PFKP: variants seen among roughly 807,000 people sequenced by gnomAD.
PFKP encodes the protein phosphofructokinase, platelet.
In PFKP, 101 loss-of-function variants were observed where a neutral mutation model predicts 94.3. The ratio of observed to expected loss-of-function variants is 1.07; its 90% confidence interval spans 0.91 to 1.26. The LOEUF (loss-of-function observed/expected upper bound fraction) is 1.26. Ranked by LOEUF, PFKP falls within the 50% of genes most tolerant of loss-of-function variation. The pLI is 0.00. For synonymous variants in PFKP, 573 were observed against 432.6 expected, an observed-to-expected ratio of 1.32 and a Z score of -4.03; for missense variants, 1,145 against 1,103.3, an observed-to-expected ratio of 1.04 and a Z score of -0.53.
At chr10:3,103,386 C>G (rs1295253790) in intron 4 of PFKP, among the ~76,000 whole-genome samples, 2 of 152,156 alleles carry the variant, frequency 1.3e-5, no homozygotes, top group Non-Finnish European at 2.9e-5. Context: ...GTGGCTCACA[C>G]CTATAATCCC....
rs539165416 is a variant in PFKP at position 3,078,528 on chromosome 10, G to T, written c.113-3860G>T. 1.2e-4 allele frequency among the ~76,000 whole-genome samples: 19 copies of T among 152,332 alleles called. No homozygotes were observed. The South Asian group carries it at 3.7e-3, about 30-fold the overall frequency. ...TCCCAGGCAATTAAATGAGCATCTG[G>T]CCTCAGCAGGTATTATTTTCCTTCA... On this transcript the variant is annotated intron_variant, in intron 1 of 21. Coordinates refer to ENST00000381125, the MANE Select transcript of PFKP (RefSeq NM_002627.5).
intron 2 of PFKP, among the ~76,000 whole-genome samples, chr10:3,096,554 C>T (rs935624187): frequency 2.0e-5 from 3 of 152,018 alleles, no homozygotes; most frequent in African/African-American, 7.2e-5. Flanking sequence ...CATCTTTTCT[C>T]TCCTCCTGAG....
intron 16 of PFKP, among the ~76,000 whole-genome samples, chr10:3,122,664 G>A (rs1262764421): frequency 2.0e-5 from 3 of 152,232 alleles, no homozygotes; most frequent in African/African-American, 7.2e-5. Context: ...TCTCTTCCCT[G>A]TCCGGCCACA....
chr10:3,107,522 G>A (rs1835754366), intron 8 of PFKP, among the ~76,000 whole-genome samples: 1 of 152,254 alleles, frequency 6.6e-6, no homozygotes, highest in Admixed American at 6.5e-5. Flanking sequence ...CTCTTGCCGA[G>A]CCCGTAGAGG....
At chr10:3,105,192 T>G in intron 6 of PFKP, 33 bp downstream of exon 6, 1 of 1,598,406 alleles carries the variant, frequency 6.3e-7, no homozygotes, top group East Asian at 2.2e-5. Context: ...GTGGACGCGG[T>G]TCAGGTGGGG....
At chr10:3,132,257 C>G (rs1838677366) in intron 17 of PFKP, 123 bp from the exon 18 acceptor site, 7 of 690,760 alleles carry the variant, frequency 1.0e-5, no homozygotes, top group Admixed American at 4.0e-5. Flanking sequence ...GCCGCGAGAG[C>G]TGCAGCCTCC....
intron 2 of PFKP, among the ~76,000 whole-genome samples, chr10:3,097,695 T>C (rs1365736337): frequency 6.6e-6 from 1 of 152,138 alleles, no homozygotes; most frequent in African/African-American, 2.4e-5. Flanking sequence ...TTATTACATG[T>C]ATGACACTAA....
At chr10:3,134,368 C>G (rs1838958407) in intron 19 of PFKP, 115 bp from the exon 20 acceptor site, 2 of 704,002 alleles carry the variant, frequency 2.8e-6, no homozygotes, top group East Asian at 4.9e-5. Flanking sequence ...TCTGTTCCAA[C>G]TATAAGGACC....
chr10:3,123,898 T>C (rs1837664216), intron 16 of PFKP, among the ~76,000 whole-genome samples: 1 of 152,164 alleles, frequency 6.6e-6, no homozygotes, highest in South Asian at 2.1e-4. Flanking sequence ...TGGGTGGAGG[T>C]GGAGGCTGTG....
intron 2 of PFKP, among the ~76,000 whole-genome samples, chr10:3,090,463 C>T (rs989507816): frequency 6.6e-6 from 1 of 152,196 alleles, no homozygotes; most frequent in African/African-American, 2.4e-5. Context: ...ACGCGCATGC[C>T]TTTGACTCCA....
intron 13 of PFKP, among the ~76,000 whole-genome samples, chr10:3,114,383 C>G (rs1417936126): frequency 6.6e-6 from 1 of 152,200 alleles, no homozygotes. Context: ...CTCCTGACCT[C>G]AGGTGACCCA....
At chr10:3,133,428 T>A in intron 19 of PFKP, 114 bp downstream of exon 19, 1 of 754,182 alleles carries the variant, frequency 1.3e-6, no homozygotes, top group Non-Finnish European at 2.3e-6. Flanking sequence ...TCCAAGATGA[T>A]AAAAAACATC....
chr10:3,125,176 C>G, intron 16 of PFKP: 1 of 1,349,066 alleles, frequency 7.4e-7, no homozygotes, highest in Non-Finnish European at 9.9e-7. Context: ...GTGGTGCCGG[C>G]CACGATTAGC....
rs1838812371 is a variant in PFKP, at chr10:3,133,297, C to T, written c.2005C>T (p.Leu669=). The T allele has an allele frequency of 1.2e-6, 2 of 1,612,106 alleles. No individual in the cohort carries two copies. The highest frequency in any genetic ancestry group is 1.7e-6 in the Non-Finnish European group (2 of 1,178,154). ...KGVFDCRKNV[L]GHMQQGGAPS... ...CGTGTTTGACTGCAGGAAGAACGTGCTGGGTCACATGCAGCAGGTAGGCCC... is the reference window on the plus strand; with the variant it reads ...CGTGTTTGACTGCAGGAAGAACGTGTTGGGTCACATGCAGCAGGTAGGCCC... Residue 669 remains leucine (L), a synonymous_variant, in exon 19 of 22, where the codon CTG becomes TTG. Transcript: ENST00000381125.
At chr10:3,099,403 T>C (rs74736575) in intron 3 of PFKP, 51 bp downstream of exon 3, 17,204 of 1,395,702 alleles carry the variant, frequency 0.012, 519 homozygotes, top group African/African-American at 0.11. Context: ...GACTCTTTTA[T>C]GTCTAGTAAA....
At chr10:3,084,791 G>GTCCTCCACCCCCTCCCCAGGAGAT (rs1833375791) in intron 2 of PFKP, among the ~76,000 whole-genome samples, 2 of 143,272 alleles carry the variant, frequency 1.4e-5, no homozygotes, top group Admixed American at 1.4e-4. Flanking sequence ...CCCCAGGAGA[G>GTCCTCCACCCCCTCCCCAGGAGAT]TCCTCCATCT....
chr10:3,130,012 G>A (rs376638442), intron 17 of PFKP, 29 bp downstream of exon 17: 65 of 1,541,484 alleles, frequency 4.2e-5, no homozygotes, highest in African/African-American at 3.3e-4. Context: ...CTCAGGGCCC[G>A]TCCCCTTGGG....
chr10:3,090,455 G>A (rs796433223), intron 2 of PFKP, among the ~76,000 whole-genome samples: 6 of 152,308 alleles, frequency 3.9e-5, no homozygotes, highest in Non-Finnish European at 7.3e-5. Flanking sequence ...GGGATGAGAC[G>A]CGCATGCCTT....
Position 3,099,276 on chromosome 10 carries a change from G to T in PFKP, c.188G>T (p.Gly63Val). The stretch of plus-strand genomic sequence containing the variant: ...AAAGATTCTCCCTTTCTCCCCTAGG[G>T]CTACCAGGGCATGGTGGACGGAGGC... ...VGAKVYFIYE[G>V]YQGMVDGGSN... Residue 63 changes from glycine to valine, a missense_variant and splice_region_variant, in exon 3 of 22, where the codon GGC becomes GTC. Transcript: ENST00000381125. 1 of 1,611,574 alleles carries T rather than the reference G, an allele frequency of 6.2e-7. No individual in the cohort carries two copies. The highest frequency in any genetic ancestry group is 8.5e-7 in the Non-Finnish European group (1 of 1,177,668).
Sources: gnomAD v4.1 joint callset for allele counts (sites outside exome capture counted in the v4.1 genomes callset) on GRCh38, gnomAD v4.1.1 for gene constraint, MANE v1.5 for transcripts, NCBI Gene and HGNC (gene_info 2026-07-23, HGNC 2026-07-21) for gene names.